The following CHD6 variants were observed in gnomAD, a reference collection of about 807,000 sequenced individuals.
CHD6 encodes the protein chromodomain helicase DNA binding protein 6.
In CHD6, 50 loss-of-function variants were observed where a neutral mutation model predicts 276.9. That is an observed-to-expected ratio of 0.18 (90% CI 0.14 to 0.23). The LOEUF (loss-of-function observed/expected upper bound fraction) is 0.23. Among genes scored for constraint, CHD6 ranks in the 10% least tolerant of loss-of-function variants. CHD6 has a pLI of 1.00. For missense variants in CHD6, 2,564 were observed against 3,365.8 expected (o/e 0.76, Z 5.89); for synonymous variants, 1,173 against 1,229.3 (o/e 0.95, Z 0.96).
At position 41,420,586 on chromosome 20, in the gene CHD6, C is replaced by T; in HGVS notation, c.6049G>A (p.Gly2017Arg). 1 of 1,614,164 alleles carries T rather than the reference C, an allele frequency of 6.2e-7. No homozygotes were observed. Among genetic ancestry groups the T allele is most frequent in the Middle Eastern group, 1.6e-4 (1 of 6,062 alleles). ...QNVFPTYPLE[G>R]SELKSEDMDF... ...ATGTCTTCTGATTTGAGCTCACTTC[C>T]TTCAAGAGGATATGTGGGGAAAACG... The change falls in exon 31 of 37, where the codon GGA becomes AGA. Residue 2017 changes from glycine (G) to arginine (R), a missense_variant. By Grantham distance (125) the Gly-to-Arg change is moderately radical (BLOSUM62 -2). This residue lies in a region of CHD6 where 1,024 missense variants were observed against 1,047.9 expected (regional missense o/e 0.98). Coordinates refer to ENST00000373233, the MANE Select transcript of CHD6 (RefSeq NM_032221.5).
intron 11 of CHD6, among the ~76,000 whole-genome samples, chr20:41,490,280 G>A (rs1568637658): frequency 6.6e-6 from 1 of 152,130 alleles, no homozygotes; most frequent in East Asian, 1.9e-4. Flanking sequence ...ACGCATCACT[G>A]CGTGACTGTT....
chr20:41,479,654 A>G (rs2043251062), intron 16 of CHD6, among the ~76,000 whole-genome samples: 1 of 152,238 alleles, frequency 6.6e-6, no homozygotes. Flanking sequence ...TAAGCCTTAG[A>G]AAGACAGGAG....
chr20:41,454,794 C>T, intron 19 of CHD6, 58 bp from the exon 20 acceptor site: 1 of 1,193,370 alleles, frequency 8.4e-7, no homozygotes, highest in Non-Finnish European at 1.2e-6. Flanking sequence ...ACTAATAAAA[C>T]ACCAGTGTTA....
At chr20:41,568,441 A>T (rs568633875) in intron 1 of CHD6, among the ~76,000 whole-genome samples, 1 of 152,226 alleles carries the variant, frequency 6.6e-6, no homozygotes, top group Non-Finnish European at 1.5e-5. Context: ...TAGCAGAGAA[A>T]AGTTTGTACT....
At chr20:41,561,138 C>T (rs1233207401) in intron 1 of CHD6, among the ~76,000 whole-genome samples, 1 of 152,212 alleles carries the variant, frequency 6.6e-6, no homozygotes, top group East Asian at 1.9e-4. Flanking sequence ...CAGCCATAGA[C>T]AAATATGCAA....
chr20:41,615,727 C>T (rs1464426061), intron 1 of CHD6, among the ~76,000 whole-genome samples: 1 of 152,140 alleles, frequency 6.6e-6, no homozygotes, highest in Non-Finnish European at 1.5e-5. Flanking sequence ...CATGGGTGGT[C>T]CATGAGTGAT....
intron 10 of CHD6, among the ~76,000 whole-genome samples, chr20:41,492,654 C>T (rs2043582730): frequency 6.6e-6 from 1 of 152,230 alleles, no homozygotes; most frequent in African/African-American, 2.4e-5. Flanking sequence ...GGTGTGGTGG[C>T]TCACGCCAAA....
chr20:41,443,721 C>A (rs1448083624), intron 25 of CHD6, among the ~76,000 whole-genome samples: 1 of 152,174 alleles, frequency 6.6e-6, no homozygotes, highest in Non-Finnish European at 1.5e-5. Context: ...GACCACAGAG[C>A]TTTTTCTTGC....
intron 1 of CHD6, among the ~76,000 whole-genome samples, chr20:41,591,738 G>A (rs1173464720): frequency 6.6e-6 from 1 of 151,958 alleles, no homozygotes; most frequent in Non-Finnish European, 1.5e-5. Flanking sequence ...AAATACGGCT[G>A]CAACCATTCA....
intron 13 of CHD6, among the ~76,000 whole-genome samples, chr20:41,488,202 C>A (rs953371235): frequency 1.4e-4 from 22 of 152,144 alleles, no homozygotes; most frequent in African/African-American, 5.3e-4. Flanking sequence ...ATTTAAGAGT[C>A]CTCCTAAGTC....
intron 1 of CHD6, among the ~76,000 whole-genome samples, chr20:41,578,055 C>T (rs2045493307): frequency 6.6e-6 from 1 of 152,188 alleles, no homozygotes; most frequent in African/African-American, 2.4e-5. Context: ...GTGATAACAG[C>T]AGTGAGAATA....
chr20:41,495,394 G>A (rs966241801), intron 8 of CHD6, among the ~76,000 whole-genome samples: 2 of 152,104 alleles, frequency 1.3e-5, no homozygotes, highest in Admixed American at 1.3e-4. Context: ...ACTTATATGT[G>A]GAATATAAAA....
At chr20:41,492,912 C>T (rs1027589365) in intron 10 of CHD6, among the ~76,000 whole-genome samples, 4 of 152,182 alleles carry the variant, frequency 2.6e-5, no homozygotes, top group African/African-American at 9.7e-5. Flanking sequence ...AAGACTCCAT[C>T]TCAAAATAAA....
intron 36 of CHD6, among the ~76,000 whole-genome samples, chr20:41,405,936 A>G (rs910212599): frequency 6.6e-6 from 1 of 152,154 alleles, no homozygotes; most frequent in Non-Finnish European, 1.5e-5. Context: ...AATATGTAAG[A>G]CAGGGTTTTA....
At chr20:41,511,733 C>T (rs567699140) in intron 5 of CHD6, among the ~76,000 whole-genome samples, 4 of 152,170 alleles carry the variant, frequency 2.6e-5, no homozygotes, top group Non-Finnish European at 4.4e-5. Context: ...TCACAGCCTG[C>T]GGTGCCATTC....
chr20:41,570,142 T>C (rs1696186992), intron 1 of CHD6, among the ~76,000 whole-genome samples: 1 of 152,198 alleles, frequency 6.6e-6, no homozygotes, highest in African/African-American at 2.4e-5. Flanking sequence ...TTTCTCAAGA[T>C]GTTAAATTTG....
At chr20:41,608,978 T>C (rs1157688923) in intron 1 of CHD6, among the ~76,000 whole-genome samples, 2 of 152,132 alleles carry the variant, frequency 1.3e-5, no homozygotes, top group African/African-American at 4.8e-5. Flanking sequence ...GCTTATGAAA[T>C]CACAATATTT....
intron 1 of CHD6, among the ~76,000 whole-genome samples, chr20:41,573,155 C>T (rs183671451): frequency 2.0e-5 from 3 of 152,218 alleles, no homozygotes; most frequent in East Asian, 3.9e-4. Context: ...GTGATCCACC[C>T]GCCTCGGCCT....
At chr20:41,592,371 T>A (rs1363986786) in intron 1 of CHD6, among the ~76,000 whole-genome samples, 2 of 152,200 alleles carry the variant, frequency 1.3e-5, no homozygotes, top group African/African-American at 4.8e-5. Context: ...CTTGGAAAGT[T>A]AACACATTTA....
Sources: allele counts gnomAD v4.1 joint callset (sites outside exome capture counted in the v4.1 genomes callset), GRCh38; gene constraint gnomAD v4.1.1; regional missense constraint gnomAD v4.1.1; transcripts MANE v1.5; gene names NCBI Gene and HGNC (gene_info 2026-07-23, HGNC 2026-07-21).